TJP2: variants seen among roughly 807,000 people sequenced by gnomAD.
TJP2 encodes the protein Friedreich ataxia region gene X104 (tight junction protein ZO-2).
TJP2 carries 91 observed loss-of-function variants against 133.1 expected under a neutral mutation model. The observed-to-expected ratio is 0.68, with a 90% CI of 0.58 to 0.81. The LOEUF is 0.81. Among genes scored for constraint, TJP2 ranks in the 40% least tolerant of loss-of-function variants. TJP2 has a pLI of 0.00. For missense variants in TJP2, 1,541 were observed against 1,565.6 expected (o/e 0.98, Z 0.26); for synonymous variants, 592 against 583.4 (o/e 1.01, Z -0.21).
chr9:69,198,464 C>A (rs974422073), intron 1 of TJP2, among the ~76,000 whole-genome samples: 2 of 152,166 alleles, frequency 1.3e-5, no homozygotes, highest in African/African-American at 2.4e-5. Context: ...TCTTTATTAT[C>A]TATTTAAATG....
chr9:69,172,093 C>T (rs962780237), upstream of TJP2, among the ~76,000 whole-genome samples: 3 of 152,208 alleles, frequency 2.0e-5, no homozygotes, highest in South Asian at 2.1e-4. Flanking sequence ...CCGCGCCCTG[C>T]GGAGTAGAAG....
intron 1 of TJP2, among the ~76,000 whole-genome samples, chr9:69,195,492 C>T (rs1317764404): frequency 6.6e-6 from 1 of 151,954 alleles, no homozygotes; most frequent in Non-Finnish European, 1.5e-5. Context: ...GACCAGGCAC[C>T]TGTTAGCTGT....
chr9:69,136,187 A>G (rs1822723246), intron 1 of TJP2, among the ~76,000 whole-genome samples: 1 of 152,172 alleles, frequency 6.6e-6, no homozygotes, highest in Non-Finnish European at 1.5e-5. Context: ...TTGCAATTTC[A>G]AATGTGTCTC....
Position 69,174,438 on chromosome 9 carries a change from T to G in TJP2, c.60+6T>G, listed in dbSNP as rs1383484164. 2 of 1,550,656 alleles carry G rather than the reference T, an allele frequency of 1.3e-6. No homozygotes were observed. The highest frequency in any genetic ancestry group is 2.0e-5 in the Admixed American group (1 of 50,952). On this transcript the variant is annotated splice_donor_region_variant and intron_variant, in intron 1 of 22. Transcript: ENST00000377245. ...AGCTGTCAGGTTGGCTCCGCGTAAG[T>G]GCCTCCTTGTGCCGCGCGGTTGGGA...
intron 1 of TJP2, among the ~76,000 whole-genome samples, chr9:69,203,372 A>G (rs1226195255): frequency 1.3e-5 from 2 of 151,866 alleles, no homozygotes; most frequent in Non-Finnish European, 2.9e-5. Context: ...GCTGGAGTGC[A>G]ATGGTGGGAT....
chr9:69,174,191 G>T (rs1824871334), upstream of TJP2: 1 of 1,385,824 alleles, frequency 7.2e-7, no homozygotes, highest in African/African-American at 1.5e-5. Context: ...CGGGTCGGGG[G>T]CGGGCTGACG....
Position 69,213,351 on chromosome 9 carries a change from G to A in TJP2, c.114+750G>A, listed in dbSNP as rs143957346. 5.3e-5 allele frequency among the ~76,000 whole-genome samples: 8 copies of A among 152,254 alleles called. No individual in the cohort carries two copies. In the Middle Eastern group the frequency reaches 0.01, roughly 194 times the overall value. On this transcript the variant is annotated intron_variant, in intron 2 of 22. Coordinates refer to ENST00000377245, the MANE Select transcript of TJP2 (RefSeq NM_004817.4). ...TGCTGGGTTGCAGGCGTGAGCCACC[G>A]TGCCCAGACGGTTCCGCATTTTTAT...
At chr9:69,162,413 T>C (rs1027159477) in intron 2 of TJP2, among the ~76,000 whole-genome samples, 12 of 152,124 alleles carry the variant, frequency 7.9e-5, no homozygotes, top group African/African-American at 2.9e-4. Context: ...ACTTACTGTT[T>C]ACACTTAACA....
intron 2 of TJP2, among the ~76,000 whole-genome samples, chr9:69,152,817 CTTTTTTTTTTTTTTTTTTTTT>C (rs10543289): frequency 2.1e-5 from 1 of 47,996 alleles, no homozygotes; most frequent in East Asian, 8.3e-4. Context: ...CTCTGGAGCT[CTTTTTTTTTTTTTTTTTTTTT>C]TTTTTTTTTT....
chr9:69,186,732 C>T (rs953006811), intron 1 of TJP2, among the ~76,000 whole-genome samples: 1 of 152,202 alleles, frequency 6.6e-6, no homozygotes, highest in African/African-American at 2.4e-5. Flanking sequence ...ATAAATATTT[C>T]AGCTAGTAGT....
At chr9:69,209,076 A>G (rs1316101844) in intron 1 of TJP2, among the ~76,000 whole-genome samples, 1 of 152,144 alleles carries the variant, frequency 6.6e-6, no homozygotes, top group Non-Finnish European at 1.5e-5. Flanking sequence ...TGTTCTATGG[A>G]AATGGAAAAG....
intron 12 of TJP2, among the ~76,000 whole-genome samples, chr9:69,235,546 T>C (rs1830123150): frequency 6.6e-6 from 1 of 152,008 alleles, no homozygotes; most frequent in Non-Finnish European, 1.5e-5. Context: ...ATGGTCTCGA[T>C]CTCCTGACCT....
intron 2 of TJP2, among the ~76,000 whole-genome samples, chr9:69,215,787 C>T (rs1828324320): frequency 6.6e-6 from 1 of 151,872 alleles, no homozygotes; most frequent in African/African-American, 2.4e-5. Flanking sequence ...GTTGTAATCC[C>T]AGTGCTTTGG....
chr9:69,245,487 A>G (rs548445763), intron 17 of TJP2, among the ~76,000 whole-genome samples: 27 of 152,348 alleles, frequency 1.8e-4, no homozygotes, highest in Non-Finnish European at 2.9e-4. Flanking sequence ...TCCATAATAC[A>G]TATTGCTGAA....
chr9:69,208,654 A>C (rs1239032019), intron 1 of TJP2, among the ~76,000 whole-genome samples: 1 of 152,244 alleles, frequency 6.6e-6, no homozygotes, highest in Non-Finnish European at 1.5e-5. Flanking sequence ...GTATTTTAAA[A>C]GTAATGTACT....
chr9:69,158,827 T>TGG (rs939106820), intron 2 of TJP2, among the ~76,000 whole-genome samples: 1 of 152,122 alleles, frequency 6.6e-6, no homozygotes. Context: ...CTGGCTGGAA[T>TGG]GGGGGGGTTC....
At chr9:69,248,393 TG>T in intron 19 of TJP2, 169 bp downstream of exon 19, 2 of 1,433,534 alleles carry the variant, frequency 1.4e-6, no homozygotes, top group Non-Finnish European at 1.8e-6. Context: ...TTGCAGTCTG[TG>T]GGAAAGTGGG....
chr9:69,161,218 G>A lies in TJP2; in HGVS notation c.-10+9447G>A, dbSNP rs981937337. ...AATAGCTGTAGGTCATCAGTGATGT[G>A]TGTGTGTGTGTGTGTGTGTGTGTGT... is the stretch of plus-strand genomic sequence containing the variant. On this transcript the variant is annotated intron_variant, in intron 2 of 5. Transcript: ENST00000423935. Among the ~76,000 whole-genome samples, 7 of 149,804 alleles carry A rather than the reference G, an allele frequency of 4.7e-5. No homozygotes were observed. In the East Asian group the frequency reaches 1.4e-3, roughly 29 times the overall value.
At chr9:69,218,049 T>G (rs1828525078) in intron 3 of TJP2, among the ~76,000 whole-genome samples, 2 of 152,176 alleles carry the variant, frequency 1.3e-5, no homozygotes, top group African/African-American at 4.8e-5. Context: ...TGATTTCCAT[T>G]TAGACACTCA....
Sources: gnomAD v4.1 joint callset for allele counts (sites outside exome capture counted in the v4.1 genomes callset) on GRCh38, gnomAD v4.1.1 for gene constraint, MANE v1.5 for transcripts, NCBI Gene and HGNC (gene_info 2026-07-23, HGNC 2026-07-21) for gene names.